Variants in NOL9 observed in about 807,000 individuals in gnomAD.
The protein encoded by NOL9 is nucleolar protein 9.
Under a neutral mutation model 67.9 loss-of-function variants are expected in NOL9, and 28 were observed. The observed-to-expected ratio is 0.41, with a 90% confidence interval of 0.31 to 0.57. The LOEUF (loss-of-function observed/expected upper bound fraction) is 0.57. Ranked by LOEUF, NOL9 falls within the 20% of genes least tolerant of loss-of-function variation. The pLI, the probability that NOL9 is intolerant of heterozygous loss-of-function variation, is 0.25. For synonymous variants in NOL9, 356 were observed against 352.2 expected, an observed-to-expected ratio of 1.01 and a Z score of -0.12; for missense variants, 777 against 897.0, an observed-to-expected ratio of 0.87 and a Z score of 1.71.
chr1:6,550,745 A>G lies in NOL9; in HGVS notation c.397-130T>C, dbSNP rs1054881309. The stretch of plus-strand genomic sequence containing the variant: ...GTTGCCCAGGCTGGAGTACAATGGC[A>G]CAATCTCGGCTCACCGCAACCTCCA... On this transcript the variant is annotated intron_variant, in intron 1 of 11. Coordinates refer to ENST00000377705, the MANE Select transcript of NOL9 (RefSeq NM_024654.5). The G allele has an allele frequency of 4.5e-6, 3 of 660,100 alleles. No individual in the cohort carries two copies. In the South Asian group the frequency reaches 5.8e-5, roughly 13 times the overall value. 40.9% of individuals were successfully genotyped at this position (660,100 alleles called of 1,614,324 possible).
intron 8 of NOL9, 112 bp from the exon 9 acceptor site, chr1:6,532,191 GC>G: frequency 8.1e-6 from 7 of 868,038 alleles, no homozygotes; most frequent in South Asian, 1.5e-5. Flanking sequence ...TTCCAACACT[GC>G]CCCCCCTTGA....
At chr1:6,552,085 G>A (rs1335784716) in intron 1 of NOL9, among the ~76,000 whole-genome samples, 1 of 152,182 alleles carries the variant, frequency 6.6e-6, no homozygotes, top group Non-Finnish European at 1.5e-5. Flanking sequence ...TTATCAGTGG[G>A]ATTTGAACCA....
rs1639385976 is a variant in NOL9, at chr1:6,544,883, G to A, written c.920C>T (p.Ser307Phe). 1 of 1,614,164 alleles carries A rather than the reference G, an allele frequency of 6.2e-7. No homozygotes were observed. Among genetic ancestry groups the A allele is most frequent in the Non-Finnish European group, 8.5e-7 (1 of 1,180,022 alleles). Residue 307 changes from serine (S) to phenylalanine (F), a missense_variant, in exon 5 of 12, where the codon TCC (serine) becomes TTC (phenylalanine). Physicochemically the swap from Ser to Phe is radical, Grantham distance 155. This residue lies in a region of NOL9 where 413 missense variants were observed against 552.6 expected (regional missense o/e 0.75). Transcript: ENST00000377705. ...DGCPVILVCGSQDVGKSTFNR... is the reference protein window; with the variant it reads ...DGCPVILVCGFQDVGKSTFNR... ...AAATGTTGACTTTCCAACATCCTGGGATCCACAAACTAGAATGACAGGGCA... is the reference window on the plus strand; with the variant it reads ...AAATGTTGACTTTCCAACATCCTGGAATCCACAAACTAGAATGACAGGGCA...
At position 6,526,846 on chromosome 1, in the gene NOL9, C is replaced by G. The variant is rs1387386888; in HGVS notation, c.1826-17G>C. On this transcript the variant is annotated splice_polypyrimidine_tract_variant and intron_variant, in intron 10 of 11. Transcript: ENST00000377705. ...TACAGATGCCTTCAAGACACGCGCA[C>G]AACACAAAAATCACCCTTTTGGAAA... 1.3e-6 allele frequency: 2 copies of G among 1,567,738 alleles called. No homozygotes were observed. The highest frequency in any genetic ancestry group is 1.7e-6 in the Non-Finnish European group (2 of 1,157,912).
chr1:6,527,032 G>C, intron 10 of NOL9, among the ~76,000 whole-genome samples: 1 of 151,994 alleles, frequency 6.6e-6, no homozygotes, highest in East Asian at 1.9e-4. Flanking sequence ...GACTACCTGA[G>C]ATCAGGAGTT....
chr1:6,547,518 G>GA lies in NOL9; in HGVS notation c.744+2052dup, dbSNP rs58167405. Among the ~76,000 whole-genome samples the GA allele has an allele frequency of 9.2e-4, 123 of 134,216 alleles. 1 individual carries two copies. The highest frequency in any genetic ancestry group is 1.7e-3 in the South Asian group (7 of 4,202). The allele number at this position is 134,216 out of a possible 152,430, so 88.1% of individuals were successfully genotyped here. ...TATAGTAATAGTACTTAAGGAAATGGAAAAAAAAAAAAAAGAACTTAAGGA... is the reference window on the plus strand; with the variant it reads ...TATAGTAATAGTACTTAAGGAAATGGAAAAAAAAAAAAAAAGAACTTAAGGA... On this transcript the variant is annotated intron_variant, in intron 3 of 11. Coordinates refer to ENST00000377705, the MANE Select transcript of NOL9 (RefSeq NM_024654.5).
At chr1:6,543,499 T>C (rs1639348397) in intron 5 of NOL9, among the ~76,000 whole-genome samples, 1 of 151,676 alleles carries the variant, frequency 6.6e-6, no homozygotes, top group African/African-American at 2.4e-5. Flanking sequence ...CCAGGCTTTA[T>C]TTATTTATTT....
rs896276414 is a variant in NOL9 at position 6,554,039 on chromosome 1, A to G, written c.396+68T>C. ...GGACCACGGTCCTCTCCTACCCTGCAGCTCTCCCGGGGCTGCCTCTCCAGC... is the reference window on the plus strand; with the variant it reads ...GGACCACGGTCCTCTCCTACCCTGCGGCTCTCCCGGGGCTGCCTCTCCAGC... On this transcript the variant is annotated intron_variant, in intron 1 of 11. Transcript: ENST00000377705. The G allele has an allele frequency of 3.7e-6, 5 of 1,334,396 alleles. No individual in the cohort carries two copies. In the Admixed American group the frequency reaches 7.2e-5, roughly 19 times the overall value. The allele number at this position is 1,334,396 out of a possible 1,614,324, so 82.7% of individuals were successfully genotyped here.
At chr1:6,526,620 CT>C (rs1638890169) in intron 11 of NOL9, 75 bp downstream of exon 11, 1 of 1,448,682 alleles carries the variant, frequency 6.9e-7, no homozygotes, top group South Asian at 1.4e-5. Flanking sequence ...CCCATGACCC[CT>C]GACCCTACTT....
At chr1:6,542,497 G>A (rs1202059520) in intron 5 of NOL9, among the ~76,000 whole-genome samples, 6 of 144,534 alleles carry the variant, frequency 4.2e-5, no homozygotes, top group South Asian at 4.4e-4. Flanking sequence ...CTGCTCTGTC[G>A]CCCAGGTTGG....
intron 10 of NOL9, among the ~76,000 whole-genome samples, chr1:6,527,077 C>T (rs889918462): frequency 6.6e-6 from 1 of 151,970 alleles, no homozygotes; most frequent in Non-Finnish European, 1.5e-5. Context: ...GAAACCCTGT[C>T]TCTACTAACA....
intron 7 of NOL9, 45 bp downstream of exon 7, chr1:6,533,235 C>G (rs771017149): frequency 1.3e-6 from 2 of 1,526,700 alleles, no homozygotes; most frequent in African/African-American, 2.8e-5. Context: ...CAACAGTACT[C>G]ACACTGCCTG....
chr1:6,540,014 T>C (rs575958012), intron 6 of NOL9, among the ~76,000 whole-genome samples: 2 of 152,152 alleles, frequency 1.3e-5, no homozygotes, highest in East Asian at 3.9e-4. Flanking sequence ...AGACAGAGTT[T>C]TGCTCTTGCT....
intron 8 of NOL9, 125 bp downstream of exon 8, chr1:6,532,338 T>A (rs1228140879): frequency 3.3e-6 from 3 of 909,996 alleles, no homozygotes; most frequent in Non-Finnish European, 5.0e-6. Flanking sequence ...TTCGTCTTTG[T>A]GCATGCACAG....
intron 6 of NOL9, among the ~76,000 whole-genome samples, chr1:6,538,404 G>A (rs116774018): frequency 0.13 from 19,320 of 152,178 alleles, 1,658 homozygotes; most frequent in Admixed American, 0.19. Context: ...CGGATGCCGT[G>A]GCTCACGCCT....
In NOL9 at chr1:6,542,322, G is replaced by A. The variant is rs1214413233; in HGVS notation, c.978-395C>T. On this transcript the variant is annotated intron_variant, in intron 5 of 11. Coordinates refer to ENST00000377705, the MANE Select transcript of NOL9 (RefSeq NM_024654.5). ...ACTACAGGCACCCACCACCATGCCC[G>A]GCTAATTTTTGTATTTTTAGTAGAG... is the stretch of plus-strand genomic sequence containing the variant. 4.0e-5 allele frequency among the ~76,000 whole-genome samples: 6 copies of A among 151,432 alleles called. No homozygotes were observed. In the East Asian group the frequency reaches 1.2e-3, roughly 29 times the overall value.
In NOL9 at chr1:6,554,221, T is replaced by G. The variant is rs1639614719; in HGVS notation, c.282A>C (p.Glu94Asp). Residue 94 changes from glutamate to aspartate, a missense_variant, in exon 1 of 12, where the codon GAA becomes GAC. Coordinates refer to ENST00000377705, the MANE Select transcript of NOL9 (RefSeq NM_024654.5). ...ATTCGAGTTCGGGTTCGGACTCGGG[T>G]TCGGAGGCCGGGGTCGGGCTAGGGA... ...SPIPSPTPAS[E>D]PESEPELESA... The G allele has an allele frequency of 6.6e-7, 1 of 1,515,622 alleles. No homozygotes were observed. Among genetic ancestry groups the G allele is most frequent in the Admixed American group, 2.1e-5 (1 of 48,080 alleles). 93.9% of individuals were successfully genotyped at this position (1,515,622 alleles called of 1,614,324 possible).
At position 6,527,409 on chromosome 1, in the gene NOL9, G is replaced by C. The variant is rs141346538; in HGVS notation, c.1826-580C>G. Among the ~76,000 whole-genome samples, 504 of 152,186 alleles carry C rather than the reference G, an allele frequency of 3.3e-3. 5 individuals are homozygous for C. Among genetic ancestry groups the C allele is most frequent in the African/African-American group, 0.012 (487 of 41,516 alleles). On this transcript the variant is annotated intron_variant, in intron 10 of 11. Coordinates refer to ENST00000377705, the MANE Select transcript of NOL9 (RefSeq NM_024654.5). ...ATGCCTGTAATCCCAGCACTGTGGAGGCTGAGGCGGGTACATCGAATGAGG... is the reference window on the plus strand; with the variant it reads ...ATGCCTGTAATCCCAGCACTGTGGACGCTGAGGCGGGTACATCGAATGAGG...
chr1:6,529,003 A>C lies in NOL9; in HGVS notation c.1816T>G (p.Leu606Val), dbSNP rs368290615. 4 of 1,613,938 alleles carry C rather than the reference A, an allele frequency of 2.5e-6. No homozygotes were observed. The African/African-American group carries it at 4.0e-5, about 16-fold the overall frequency. Residue 606 changes from leucine (L) to valine (V), a missense_variant, in exon 10 of 12, where the codon TTG (leucine) becomes GTG (valine). Physicochemically the swap from Leu to Val is conservative, Grantham distance 32. This residue lies in a region of NOL9 where 413 missense variants were observed against 552.6 expected (regional missense o/e 0.75). Coordinates refer to ENST00000377705, the MANE Select transcript of NOL9 (RefSeq NM_024654.5). Reference protein sequence around the residue: ...LLAQTPICDCLGFGICRGIDM... With the variant: ...LLAQTPICDCVGFGICRGIDM... ...TTACTCTCAGACTCACCAAAGCCCA[A>C]GCAGTCACAGATTGGAGTCTGGGCA... is the stretch of plus-strand genomic sequence containing the variant.
Sources: gnomAD v4.1 joint callset for allele counts (sites outside exome capture counted in the v4.1 genomes callset) on GRCh38, gnomAD v4.1.1 for gene constraint, gnomAD v4.1.1 regional missense constraint, MANE v1.5 for transcripts, NCBI Gene and HGNC (gene_info 2026-07-23, HGNC 2026-07-21) for gene names.